KCNAB1: variants seen among roughly 807,000 people sequenced by gnomAD.
KCNAB1 encodes the protein voltage-gated potassium channel subunit beta-1.
KCNAB1 carries 35 observed loss-of-function variants against 64.6 expected under a neutral mutation model. That is an observed-to-expected ratio of 0.54 (90% CI 0.41 to 0.72). The LOEUF is 0.72. Among genes scored for constraint, KCNAB1 ranks in the 30% least tolerant of loss-of-function variants. The probability of loss-of-function intolerance (pLI) is 0.00; values close to 1 mark genes in which losing one functional copy is unlikely to be tolerated. For synonymous variants in KCNAB1, 177 were observed against 183.8 expected (o/e 0.96, Z 0.30); for missense variants, 401 against 512.9 (o/e 0.78, Z 2.11).
At chr3:156,365,394 C>T (rs1348075236) in intron 1 of KCNAB1, among the ~76,000 whole-genome samples, 1 of 152,162 alleles carries the variant, frequency 6.6e-6, no homozygotes, top group Non-Finnish European at 1.5e-5. Context: ...GCAAGAGGCT[C>T]ATCTTCCTCT....
intron 1 of KCNAB1, among the ~76,000 whole-genome samples, chr3:156,329,372 G>T (rs1257375077): frequency 6.6e-6 from 1 of 152,062 alleles, no homozygotes. Context: ...AGCAGGGGAT[G>T]ATTGCCTGCC....
chr3:156,378,599 A>G (rs565681364), intron 1 of KCNAB1, among the ~76,000 whole-genome samples: 1 of 152,150 alleles, frequency 6.6e-6, no homozygotes, highest in Admixed American at 6.5e-5. Flanking sequence ...GTGGTGTGTC[A>G]TTTATTCAAC....
intron 1 of KCNAB1, among the ~76,000 whole-genome samples, chr3:156,171,032 T>TG (rs1239178434): frequency 1.3e-5 from 2 of 152,180 alleles, no homozygotes; most frequent in Non-Finnish European, 2.9e-5. Context: ...AGGAATTACG[T>TG]ACACTGCTTT....
At chr3:156,367,841 C>T (rs1038316461) in intron 1 of KCNAB1, among the ~76,000 whole-genome samples, 4 of 152,052 alleles carry the variant, frequency 2.6e-5, no homozygotes, top group African/African-American at 9.7e-5. Context: ...TTTCTGAAAT[C>T]GGAAGATATT....
intron 1 of KCNAB1, among the ~76,000 whole-genome samples, chr3:156,180,183 A>G (rs370089797): frequency 2.0e-4 from 31 of 152,366 alleles, no homozygotes; most frequent in Admixed American, 8.5e-4. Context: ...TTGTAATTCA[A>G]TCCTCATGCC....
chr3:156,300,685 AATCCT>A (rs1311569664), intron 1 of KCNAB1, among the ~76,000 whole-genome samples: 2 of 152,210 alleles, frequency 1.3e-5, no homozygotes, highest in Admixed American at 1.3e-4. Context: ...ATTAAAAAAA[AATCCT>A]AACCTATTTA....
intron 2 of KCNAB1, among the ~76,000 whole-genome samples, chr3:156,425,588 G>C (rs530551797): frequency 6.6e-6 from 1 of 152,142 alleles, no homozygotes; most frequent in African/African-American, 2.4e-5. Flanking sequence ...AACTCACCCC[G>C]ATCTGATAGG....
intron 1 of KCNAB1, chr3:156,291,791 G>C: frequency 6.5e-7 from 1 of 1,535,236 alleles, no homozygotes; most frequent in Non-Finnish European, 8.8e-7. Context: ...GGCATCCCCA[G>C]GAAGGGGGAG....
intron 2 of KCNAB1, among the ~76,000 whole-genome samples, chr3:156,437,233 T>A (rs1317796547): frequency 6.6e-6 from 1 of 152,196 alleles, no homozygotes; most frequent in Non-Finnish European, 1.5e-5. Context: ...TGGAACCACA[T>A]GAAAACAGTG....
intron 1 of KCNAB1, among the ~76,000 whole-genome samples, chr3:156,127,542 A>C (rs566215993): frequency 1.3e-5 from 2 of 152,304 alleles, no homozygotes; most frequent in African/African-American, 4.8e-5. Context: ...CCACTGAATG[A>C]TTGGGCTAGG....
At chr3:156,422,277 G>T (rs1342223380) in intron 2 of KCNAB1, among the ~76,000 whole-genome samples, 2 of 152,202 alleles carry the variant, frequency 1.3e-5, no homozygotes, top group Non-Finnish European at 2.9e-5. Context: ...ACTTGGGGAG[G>T]CTTGAGGCCT....
intron 1 of KCNAB1, chr3:156,176,185 TC>T: frequency 2.6e-6 from 2 of 775,850 alleles, no homozygotes. Context: ...ATAAGAACCT[TC>T]AGAACTTAAG....
chr3:156,186,909 T>C (rs1560126894), intron 1 of KCNAB1, among the ~76,000 whole-genome samples: 1 of 151,564 alleles, frequency 6.6e-6, no homozygotes, highest in South Asian at 2.1e-4. Flanking sequence ...TGGAGTGCAA[T>C]GGTGTGATCA....
At chr3:156,432,573 G>C (rs1326152023) in intron 2 of KCNAB1, among the ~76,000 whole-genome samples, 4 of 152,208 alleles carry the variant, frequency 2.6e-5, no homozygotes, top group South Asian at 2.1e-4. Flanking sequence ...ATGAGGTAAT[G>C]AGCAATGGCT....
chr3:156,311,797 G>A (rs1335641701), intron 1 of KCNAB1, among the ~76,000 whole-genome samples: 2 of 152,158 alleles, frequency 1.3e-5, no homozygotes, highest in Non-Finnish European at 2.9e-5. Flanking sequence ...ACATCAATAC[G>A]AGTGTGACTT....
intron 1 of KCNAB1, among the ~76,000 whole-genome samples, chr3:156,340,414 C>G (rs1053031949): frequency 2.0e-5 from 3 of 152,208 alleles, no homozygotes; most frequent in South Asian, 2.1e-4. Context: ...GTGCACCATC[C>G]TCAGCCAGAA....
chr3:156,393,574 C>CT (rs1713203629), intron 1 of KCNAB1, among the ~76,000 whole-genome samples: 2 of 152,156 alleles, frequency 1.3e-5, no homozygotes, highest in Admixed American at 1.3e-4. Context: ...GTCTGACAAC[C>CT]TATAGGGCAG....
At chr3:156,288,707 G>A (rs1439796086) in intron 1 of KCNAB1, among the ~76,000 whole-genome samples, 2 of 152,176 alleles carry the variant, frequency 1.3e-5, no homozygotes, top group Non-Finnish European at 2.9e-5. Context: ...AGCACTGTGA[G>A]CATCCTCTGG....
intron 1 of KCNAB1, among the ~76,000 whole-genome samples, chr3:156,179,824 G>GA (rs1175839933): frequency 1.3e-5 from 2 of 152,012 alleles, no homozygotes; most frequent in African/African-American, 4.8e-5. Context: ...TGAGTATGAG[G>GA]AAAAAACCAC....
Sources: allele counts gnomAD v4.1 joint callset (sites outside exome capture counted in the v4.1 genomes callset), GRCh38; gene constraint gnomAD v4.1.1; transcripts MANE v1.5; gene names NCBI Gene and HGNC (gene_info 2026-07-23, HGNC 2026-07-21).